Variants in VRK2 observed in about 807,000 individuals in gnomAD.
The protein encoded by VRK2 is serine/threonine-protein kinase VRK2.
Under a neutral mutation model 57.6 loss-of-function variants are expected in VRK2, and 60 were observed. The ratio of observed to expected loss-of-function variants is 1.04; its 90% CI spans 0.85 to 1.29. VRK2 has a LOEUF of 1.29. Among genes scored for constraint, VRK2 ranks in the 50% most tolerant of loss-of-function variants. The pLI is 0.00. For missense variants in VRK2, 705 were observed against 588.1 expected (o/e 1.20, Z -2.06); for synonymous variants, 231 against 199.2 (o/e 1.16, Z -1.35).
chr2:58,119,237 C>T (rs1677027529), intron 7 of VRK2, among the ~76,000 whole-genome samples: 1 of 151,832 alleles, frequency 6.6e-6, no homozygotes, highest in Non-Finnish European at 1.5e-5. Context: ...GTGGCTCACG[C>T]CTGTAATCCC....
At chr2:58,023,298 G>GT (rs1361247325) in intron 1 of VRK2, among the ~76,000 whole-genome samples, 1 of 152,056 alleles carries the variant, frequency 6.6e-6, no homozygotes, top group Non-Finnish European at 1.5e-5. Context: ...GTTGTAGTAC[G>GT]TATCAGAATT....
intron 1 of VRK2, among the ~76,000 whole-genome samples, chr2:57,981,535 A>G (rs1336062118): frequency 6.6e-6 from 1 of 152,104 alleles, no homozygotes; most frequent in Admixed American, 6.6e-5. Context: ...CATCTTGTGT[A>G]GTATCTGGCA....
intron 1 of VRK2, among the ~76,000 whole-genome samples, chr2:57,964,016 A>G (rs993823536): frequency 6.6e-6 from 1 of 152,060 alleles, no homozygotes; most frequent in Non-Finnish European, 1.5e-5. Context: ...TTTTCTTCCT[A>G]AGCTTACTAC....
intron 11 of VRK2, among the ~76,000 whole-genome samples, chr2:58,141,844 TTTCC>T (rs1681388953): frequency 6.6e-6 from 1 of 151,988 alleles, no homozygotes; most frequent in Non-Finnish European, 1.5e-5. Context: ...TATAGGATGA[TTTCC>T]ACAATAGATT....
chr2:58,036,861 G>A (rs1457131569), intron 3 of VRK2, among the ~76,000 whole-genome samples: 1 of 152,040 alleles, frequency 6.6e-6, no homozygotes, highest in African/African-American at 2.4e-5. Flanking sequence ...GTAGCCACTA[G>A]GTACATGTGG....
At chr2:57,928,161 A>G (rs1429076958) in intron 1 of VRK2, among the ~76,000 whole-genome samples, 2 of 152,024 alleles carry the variant, frequency 1.3e-5, no homozygotes, top group Non-Finnish European at 2.9e-5. Context: ...AATAATTTAG[A>G]TTTGCCCTTC....
At chr2:57,936,280 T>C (rs1261642579) in intron 1 of VRK2, among the ~76,000 whole-genome samples, 1 of 152,246 alleles carries the variant, frequency 6.6e-6, no homozygotes, top group Admixed American at 6.5e-5. Flanking sequence ...CAGTCATTTA[T>C]TTAATTTTGT....
chr2:58,147,798 G>C (rs1682385202), intron 12 of VRK2, among the ~76,000 whole-genome samples: 1 of 110,190 alleles, frequency 9.1e-6, no homozygotes, highest in African/African-American at 4.3e-5. Flanking sequence ...CTTTCACTCA[G>C]TGTTTTTTTT....
At chr2:57,947,969 C>T (rs769672607) in intron 1 of VRK2, among the ~76,000 whole-genome samples, 1 of 152,138 alleles carries the variant, frequency 6.6e-6, no homozygotes, top group African/African-American at 2.4e-5. Flanking sequence ...CCTCTAAGTA[C>T]TCTCTCCTGA....
chr2:57,976,598 T>C (rs2104035274), intron 1 of VRK2, among the ~76,000 whole-genome samples: 1 of 152,126 alleles, frequency 6.6e-6, no homozygotes, highest in Admixed American at 6.6e-5. Flanking sequence ...CTTATAGATT[T>C]CTTATTGTTT....
At chr2:58,053,375 A>G (rs1044931405) in intron 2 of VRK2, among the ~76,000 whole-genome samples, 20 of 152,240 alleles carry the variant, frequency 1.3e-4, no homozygotes, top group Admixed American at 5.9e-4. Context: ...AGATGTTTAA[A>G]TTTCATCAAA....
At position 57,957,188 on chromosome 2, in the gene VRK2, G is replaced by A. The variant is rs375851490; in HGVS notation, c.-439+49349G>A. 4.9e-4 allele frequency among the ~76,000 whole-genome samples: 74 copies of A among 152,158 alleles called. 1 individual carries two copies. In the South Asian group the frequency reaches 0.015, roughly 31 times the overall value. ...TAGAACAAAAGCTATAGTCTATTCA[G>A]GAGGCCTATATATACATTGAGGAAG... On this transcript the variant is annotated intron_variant, in intron 1 of 15. Transcript: ENST00000417641.
chr2:58,062,992 C>G (rs1677578193), intron 2 of VRK2, among the ~76,000 whole-genome samples: 1 of 152,052 alleles, frequency 6.6e-6, no homozygotes, highest in Admixed American at 6.6e-5. Context: ...CTTCTAAGGA[C>G]AGGATGCCTC....
chr2:57,981,655 A>G (rs112471169), intron 1 of VRK2, among the ~76,000 whole-genome samples: 1 of 152,220 alleles, frequency 6.6e-6, no homozygotes, highest in Non-Finnish European at 1.5e-5. Context: ...CTTTCTCTCC[A>G]TCTCTTTCAG....
intron 1 of VRK2, among the ~76,000 whole-genome samples, chr2:57,936,782 G>C (rs1328753455): frequency 6.6e-6 from 1 of 152,026 alleles, no homozygotes; most frequent in Non-Finnish European, 1.5e-5. Flanking sequence ...TTGAATTAAT[G>C]AATATTAAAC....
chr2:57,977,265 G>A (rs1672281381), intron 1 of VRK2, among the ~76,000 whole-genome samples: 1 of 151,998 alleles, frequency 6.6e-6, no homozygotes, highest in Non-Finnish European at 1.5e-5. Flanking sequence ...AATAACATTG[G>A]CAGTTTGATA....
intron 7 of VRK2, among the ~76,000 whole-genome samples, chr2:58,106,192 A>G (rs1674728489): frequency 6.6e-6 from 1 of 151,952 alleles, no homozygotes; most frequent in Non-Finnish European, 1.5e-5. Context: ...AATCCTTGAG[A>G]ACTTGTGTCA....
intron 2 of VRK2, among the ~76,000 whole-genome samples, chr2:58,029,510 TACTCCTATATTGACCAA>T (rs1558548867): frequency 6.6e-6 from 1 of 152,170 alleles, no homozygotes. Context: ...AAGTTAAAAG[TACTCCTATATTGACCAA>T]ACTCTTGACC....
At chr2:58,098,299 CAGAA>C (rs1019319611) in intron 7 of VRK2, among the ~76,000 whole-genome samples, 3 of 151,740 alleles carry the variant, frequency 2.0e-5, no homozygotes, top group African/African-American at 7.3e-5. Context: ...TTTATTATTG[CAGAA>C]AGAAAAAAAC....
Sources: allele counts gnomAD v4.1 joint callset (sites outside exome capture counted in the v4.1 genomes callset), GRCh38; gene constraint gnomAD v4.1.1; transcripts MANE v1.5; gene names NCBI Gene and HGNC (gene_info 2026-07-23, HGNC 2026-07-21).